The following SLCO6A1 variants were observed in gnomAD, a reference collection of about 807,000 sequenced individuals.
SLCO6A1 encodes solute carrier organic anion transporter family member 6A1.
A neutral mutation model predicts 72.7 loss-of-function variants in SLCO6A1; 65 were observed. That is an observed-to-expected ratio of 0.89 (90% CI 0.73 to 1.10). The LOEUF is 1.10. Ranked by LOEUF, SLCO6A1 falls within the 50% of genes least tolerant of loss-of-function variation. The probability of loss-of-function intolerance (pLI) is 0.00; values close to 1 mark genes in which losing one functional copy is unlikely to be tolerated. For synonymous variants in SLCO6A1, 314 were observed against 298.2 expected (o/e 1.05, Z -0.55); for missense variants, 874 against 872.6 (o/e 1.00, Z -0.02).
At position 102,391,031 on chromosome 5, in the gene SLCO6A1, T is replaced by C. The variant is rs200616195; in HGVS notation, c.1829A>G (p.Lys610Arg). 20 of 1,613,420 alleles carry C rather than the reference T, an allele frequency of 1.2e-5. No individual in the cohort carries two copies. Among genetic ancestry groups the C allele is most frequent in the Non-Finnish European group, 5.9e-6 (7 of 1,179,584 alleles). ...VLAMTRVVPD[K>R]LRSLALGVSY... is the part of the protein sequence containing the mutation. ...TACACCCAAGGCCAGAGAACGCAGT[T>C]TGTCAGGTACAACCCTGAAAGTAAA... is the stretch of plus-strand genomic sequence containing the variant. Residue 610 changes from lysine to arginine, a missense_variant, in exon 11 of 14, where the codon AAA (lysine) becomes AGA (arginine). Physicochemically the swap from Lys to Arg is conservative, Grantham distance 26. Coordinates refer to ENST00000506729, the MANE Select transcript of SLCO6A1 (RefSeq NM_173488.5).
At chr5:102,416,206 T>C (rs1232732419) in intron 8 of SLCO6A1, among the ~76,000 whole-genome samples, 1 of 152,126 alleles carries the variant, frequency 6.6e-6, no homozygotes, top group Non-Finnish European at 1.5e-5. Flanking sequence ...CACTATTGGG[T>C]ATCTAACCAG....
chr5:102,460,965 C>CTA (rs1159488270), intron 4 of SLCO6A1, among the ~76,000 whole-genome samples: 1 of 63,880 alleles, frequency 1.6e-5, no homozygotes, highest in Non-Finnish European at 3.2e-5. Flanking sequence ...TCTGCATATG[C>CTA]TACACTCAGG....
chr5:102,448,543 C>G (rs1453719583), intron 6 of SLCO6A1, among the ~76,000 whole-genome samples: 2 of 152,292 alleles, frequency 1.3e-5, no homozygotes, highest in East Asian at 3.9e-4. Flanking sequence ...TTTTATGAGT[C>G]TGGGCATTCC....
intron 7 of SLCO6A1, among the ~76,000 whole-genome samples, chr5:102,427,860 ATATATTT>A (rs1561452919): frequency 3.0e-5 from 3 of 99,470 alleles, no homozygotes; most frequent in African/African-American, 1.8e-4. Context: ...ATATATATAT[ATATATTT>A]TTTTTTTTTT....
intron 9 of SLCO6A1, among the ~76,000 whole-genome samples, chr5:102,401,050 C>T (rs1747370422): frequency 8.6e-6 from 1 of 116,892 alleles, no homozygotes; most frequent in Non-Finnish European, 2.1e-5. Flanking sequence ...AGGAAAAGTA[C>T]AGGGAATATT....
At chr5:102,493,935 C>T (rs958170160) in intron 1 of SLCO6A1, among the ~76,000 whole-genome samples, 11 of 151,924 alleles carry the variant, frequency 7.2e-5, no homozygotes, top group African/African-American at 2.2e-4. Context: ...AAGAAATTGA[C>T]AAGTTTATTC....
intron 12 of SLCO6A1, among the ~76,000 whole-genome samples, chr5:102,378,912 C>T (rs1191360894): frequency 6.6e-6 from 1 of 151,964 alleles, no homozygotes; most frequent in African/African-American, 2.4e-5. Flanking sequence ...CTCCATTTAG[C>T]TGGGGTTACA....
chr5:102,411,371 C>A (rs1394009182), intron 9 of SLCO6A1, among the ~76,000 whole-genome samples: 1 of 152,010 alleles, frequency 6.6e-6, no homozygotes, highest in African/African-American at 2.4e-5. Flanking sequence ...CTCAGGCAAT[C>A]CTCCCACCTC....
At chr5:102,448,859 C>A (rs1750260894) in intron 6 of SLCO6A1, among the ~76,000 whole-genome samples, 1 of 152,028 alleles carries the variant, frequency 6.6e-6, no homozygotes, top group South Asian at 2.1e-4. Flanking sequence ...GGAGCTATAA[C>A]CCATTTCTGT....
chr5:102,480,032 T>G (rs1346041096), intron 2 of SLCO6A1, 145 bp downstream of exon 2: 8 of 725,964 alleles, frequency 1.1e-5, no homozygotes, highest in African/African-American at 3.6e-5. Context: ...TACAATTAGT[T>G]AATTAGCAAA....
At chr5:102,449,629 G>C (rs930619951) in intron 6 of SLCO6A1, among the ~76,000 whole-genome samples, 1 of 151,988 alleles carries the variant, frequency 6.6e-6, no homozygotes, top group Non-Finnish European at 1.5e-5. Context: ...CTCGTGATCC[G>C]CCCGCCTCGG....
chr5:102,382,480 A>C (rs559570077), intron 12 of SLCO6A1, among the ~76,000 whole-genome samples: 86 of 124,368 alleles, frequency 6.9e-4, no homozygotes, highest in African/African-American at 2.4e-3. Flanking sequence ...TTGTGATTTC[A>C]TGCAAATTTT....
intron 1 of SLCO6A1, among the ~76,000 whole-genome samples, chr5:102,487,582 C>T (rs942861533): frequency 1.3e-5 from 2 of 152,168 alleles, no homozygotes; most frequent in Non-Finnish European, 2.9e-5. Context: ...ACTGACCCTA[C>T]CAACAGGTAG....
At chr5:102,373,625 G>A in intron 12 of SLCO6A1, 131 bp from the exon 13 acceptor site, 1 of 451,044 alleles carries the variant, frequency 2.2e-6, no homozygotes, top group Admixed American at 3.9e-5. Context: ...ATTTTAGAAT[G>A]CAATTAATGC....
intron 7 of SLCO6A1, among the ~76,000 whole-genome samples, chr5:102,432,271 G>A (rs1749261641): frequency 6.6e-6 from 1 of 152,126 alleles, no homozygotes; most frequent in Admixed American, 6.5e-5. Flanking sequence ...ATTTGATCCT[G>A]TCATCATGTT....
chr5:102,467,287 T>C (rs1003931012), intron 4 of SLCO6A1, among the ~76,000 whole-genome samples: 11 of 152,086 alleles, frequency 7.2e-5, no homozygotes, highest in African/African-American at 1.7e-4. Flanking sequence ...GGTATAAGGA[T>C]GCATGCCTGT....
At position 102,480,414 on chromosome 5, in the gene SLCO6A1, C is replaced by A; in HGVS notation, c.379G>T (p.Asp127Tyr). The change falls in exon 2 of 14, where the codon GAT becomes TAT. Residue 127 changes from aspartate (D) to tyrosine (Y), a missense_variant. Transcript: ENST00000506729. ...ICQGVVFGLI[D>Y]VSIGDFQKEY... ...TTCTGAAAATCGCCAATGCTGACAT[C>A]TATAAGACCAAACACCACACCTAAA... The A allele has an allele frequency of 6.2e-7, 1 of 1,612,514 alleles. No homozygotes were observed. Among genetic ancestry groups the A allele is most frequent in the Non-Finnish European group, 8.5e-7 (1 of 1,179,358 alleles).
At chr5:102,473,327 A>G (rs548572812) in intron 4 of SLCO6A1, among the ~76,000 whole-genome samples, 2 of 152,186 alleles carry the variant, frequency 1.3e-5, no homozygotes, top group South Asian at 4.2e-4. Context: ...GCATATGAAA[A>G]TAAATCAGTG....
At chr5:102,497,302 A>G (rs1752951020) in intron 1 of SLCO6A1, among the ~76,000 whole-genome samples, 1 of 152,246 alleles carries the variant, frequency 6.6e-6, no homozygotes, top group African/African-American at 2.4e-5. Context: ...AAAAGATCCA[A>G]TAGAGAGTGG....
Sources: gnomAD v4.1 joint callset for allele counts (sites outside exome capture counted in the v4.1 genomes callset) on GRCh38, gnomAD v4.1.1 for gene constraint, MANE v1.5 for transcripts, NCBI Gene and HGNC (gene_info 2026-07-23, HGNC 2026-07-21) for gene names.